DLGAP2: variants seen among roughly 807,000 people sequenced by gnomAD.
The protein encoded by DLGAP2 is disks large-associated protein 2.
In DLGAP2, 26 loss-of-function variants were observed where a neutral mutation model predicts 100.3. The observed-to-expected ratio is 0.26, with a 90% CI of 0.19 to 0.36. The LOEUF is 0.36. DLGAP2 is among the 10% of genes least tolerant of loss of function. DLGAP2 has a pLI of 1.00. For missense variants in DLGAP2, 1,858 were observed against 1,453.2 expected, an observed-to-expected ratio of 1.28 and a Z score of -4.53; for synonymous variants, 886 against 630.1, an observed-to-expected ratio of 1.41 and a Z score of -6.08.
intron 2 of DLGAP2, among the ~76,000 whole-genome samples, chr8:1,238,592 A>C (rs1336716709): frequency 1.8e-3 from 63 of 34,112 alleles, no homozygotes; most frequent in African/African-American, 3.6e-3. Context: ...CTAGTTACCT[A>C]TCACATGGTG....
chr8:1,004,118 A>C (rs575029265), intron 2 of DLGAP2, among the ~76,000 whole-genome samples: 49 of 152,320 alleles, frequency 3.2e-4, no homozygotes, highest in African/African-American at 1.1e-3. Flanking sequence ...TAAAACAAAA[A>C]TTTAATTTCC....
chr8:983,882 C>T (rs6995241), intron 2 of DLGAP2, among the ~76,000 whole-genome samples: 1,949 of 152,252 alleles, frequency 0.013, 46 homozygotes, highest in African/African-American at 0.044. Context: ...TCAAGTGATC[C>T]TCTTGCCTTG....
chr8:1,050,421 T>A (rs961886490), intron 2 of DLGAP2, among the ~76,000 whole-genome samples: 2 of 152,226 alleles, frequency 1.3e-5, no homozygotes, highest in African/African-American at 2.4e-5. Context: ...TTGCCCACTG[T>A]AAGCTGATGC....
At chr8:1,318,877 TCAC>T (rs1461987261) in intron 3 of DLGAP2, among the ~76,000 whole-genome samples, 1 of 149,468 alleles carries the variant, frequency 6.7e-6, no homozygotes, top group Non-Finnish European at 1.5e-5. Context: ...TGATGTCCTT[TCAC>T]CACTTAGAAG....
chr8:1,684,978 G>C (rs1049189856), intron 12 of DLGAP2, among the ~76,000 whole-genome samples: 3 of 152,122 alleles, frequency 2.0e-5, no homozygotes, highest in African/African-American at 7.2e-5. Context: ...CACCGGGTCA[G>C]ATGCACATTC....
intron 2 of DLGAP2, among the ~76,000 whole-genome samples, chr8:1,128,506 C>T (rs1345901698): frequency 3.3e-5 from 5 of 152,178 alleles, no homozygotes; most frequent in South Asian, 2.1e-4. Flanking sequence ...CAGGACTCAG[C>T]GCGGTCACAT....
Position 1,422,502 on chromosome 8 carries a change from A to C in DLGAP2, c.107-78864A>C, listed in dbSNP as rs543571175. On this transcript the variant is annotated intron_variant, in intron 3 of 14. Coordinates refer to ENST00000637795, the MANE Select transcript of DLGAP2 (RefSeq NM_001346810.2). The stretch of plus-strand genomic sequence containing the variant: ...CTCCTGTCTTTAGAGACTTAATGTA[A>C]ATCTGCGTCTTGATCCCATGAAGGC... 5.9e-5 allele frequency among the ~76,000 whole-genome samples: 9 copies of C among 152,064 alleles called. No individual in the cohort carries two copies. In the East Asian group the frequency reaches 1.5e-3, roughly 26 times the overall value.
At chr8:868,962 G>T (rs1292817003) in intron 1 of DLGAP2, among the ~76,000 whole-genome samples, 1 of 152,214 alleles carries the variant, frequency 6.6e-6, no homozygotes, top group Non-Finnish European at 1.5e-5. Context: ...TGAAATTGCT[G>T]TCTCAGAAAA....
intron 2 of DLGAP2, among the ~76,000 whole-genome samples, chr8:1,001,726 A>G (rs1286794730): frequency 1.3e-5 from 2 of 152,156 alleles, no homozygotes; most frequent in Admixed American, 6.5e-5. Context: ...CTTTTTCTCT[A>G]CTATTGCTGT....
At chr8:1,370,161 C>G (rs113595809) in intron 3 of DLGAP2, among the ~76,000 whole-genome samples, 30 of 152,306 alleles carry the variant, frequency 2.0e-4, no homozygotes, top group African/African-American at 6.3e-4. Context: ...GAGCCCTAGT[C>G]TTTCCCTGAG....
At chr8:1,225,506 C>G (rs79434133) in intron 2 of DLGAP2, among the ~76,000 whole-genome samples, 2,180 of 152,302 alleles carry the variant, frequency 0.014, 31 homozygotes, top group South Asian at 0.069. Flanking sequence ...CTGGACAGAG[C>G]TGGTTGAACA....
intron 1 of DLGAP2, among the ~76,000 whole-genome samples, chr8:817,134 C>G (rs1479576712): frequency 2.2e-5 from 2 of 90,862 alleles, no homozygotes; most frequent in Non-Finnish European, 4.5e-5. Flanking sequence ...CAGCGAGACT[C>G]CGTCTCAAAA....
At chr8:824,986 G>A (rs1796659949) in intron 1 of DLGAP2, among the ~76,000 whole-genome samples, 1 of 152,168 alleles carries the variant, frequency 6.6e-6, no homozygotes, top group South Asian at 2.1e-4. Flanking sequence ...GGCGGTCTTT[G>A]GAGCGATGTC....
intron 2 of DLGAP2, among the ~76,000 whole-genome samples, chr8:916,863 C>A (rs1052259277): frequency 6.6e-6 from 1 of 152,140 alleles, no homozygotes; most frequent in African/African-American, 2.4e-5. Flanking sequence ...TGGAGTTGAG[C>A]TCCTAGAGAG....
intron 3 of DLGAP2, among the ~76,000 whole-genome samples, chr8:1,316,009 T>C (rs1467896132): frequency 2.9e-5 from 4 of 137,498 alleles, no homozygotes; most frequent in Non-Finnish European, 3.2e-5. Flanking sequence ...GCAGCGTCTC[T>C]CCAACAGTGG....
chr8:1,548,444 G>A (rs112535341), intron 4 of DLGAP2, among the ~76,000 whole-genome samples, 182 bp from the exon 5 acceptor site: 7,995 of 132,464 alleles, frequency 0.06, 338 homozygotes, highest in Non-Finnish European at 0.09. Flanking sequence ...GGGCGACAGA[G>A]CGAGACTGTC....
intron 2 of DLGAP2, among the ~76,000 whole-genome samples, chr8:1,231,358 G>C (rs1563267395): frequency 6.6e-6 from 1 of 152,214 alleles, no homozygotes; most frequent in Non-Finnish European, 1.5e-5. Flanking sequence ...TGAGGGTGCA[G>C]AGAAAAGGGA....
intron 2 of DLGAP2, among the ~76,000 whole-genome samples, chr8:1,071,098 C>G (rs532102205): frequency 1.6e-4 from 24 of 152,326 alleles, no homozygotes; most frequent in African/African-American, 5.8e-4. Context: ...TCCTGGCCTC[C>G]TCCCACTGGC....
At chr8:931,721 G>C (rs1798963282) in intron 2 of DLGAP2, among the ~76,000 whole-genome samples, 1 of 152,152 alleles carries the variant, frequency 6.6e-6, no homozygotes, top group Non-Finnish European at 1.5e-5. Context: ...CTTCTTACTG[G>C]GCTGCTGAAA....
Sources: allele counts gnomAD v4.1 joint callset (sites outside exome capture counted in the v4.1 genomes callset), GRCh38; gene constraint gnomAD v4.1.1; transcripts MANE v1.5; gene names NCBI Gene and HGNC (gene_info 2026-07-23, HGNC 2026-07-21).